The following GABRB1 variants were observed in gnomAD, a reference collection of about 807,000 sequenced individuals.
GABRB1 encodes gamma-aminobutyric acid receptor subunit beta-1.
GABRB1 carries 17 observed loss-of-function variants against 51.6 expected under a neutral mutation model. The ratio of observed to expected loss-of-function variants is 0.33; its 90% confidence interval spans 0.23 to 0.49. The LOEUF (loss-of-function observed/expected upper bound fraction) is 0.49. GABRB1 is among the 20% of genes least tolerant of loss of function. GABRB1 has a pLI of 0.99. For synonymous variants in GABRB1, 247 were observed against 218.9 expected (o/e 1.13, Z -1.14); for missense variants, 410 against 600.6 (o/e 0.68, Z 3.32).
At chr4:47,156,524 G>A (rs1296826321) in intron 3 of GABRB1, among the ~76,000 whole-genome samples, 2 of 151,944 alleles carry the variant, frequency 1.3e-5, no homozygotes, top group Non-Finnish European at 2.9e-5. Flanking sequence ...ACTGCTAAAT[G>A]TACCTAACAT....
intron 4 of GABRB1, among the ~76,000 whole-genome samples, chr4:47,183,273 T>C (rs1202157345): frequency 1.3e-5 from 2 of 149,590 alleles, no homozygotes; most frequent in African/African-American, 2.4e-5. Flanking sequence ...ATAGATAAGA[T>C]GATATATTAT....
At chr4:47,331,110 G>T (rs1725464928) in intron 5 of GABRB1, among the ~76,000 whole-genome samples, 1 of 151,936 alleles carries the variant, frequency 6.6e-6, no homozygotes, top group African/African-American at 2.4e-5. Context: ...TATCTCCTTA[G>T]ATAAATCTGA....
At chr4:47,001,089 A>T (rs1724163435) in intron 1 of GABRB1, among the ~76,000 whole-genome samples, 1 of 152,214 alleles carries the variant, frequency 6.6e-6, no homozygotes, top group African/African-American at 2.4e-5. Context: ...TGCCTGGATC[A>T]CAGTACCCAG....
intron 4 of GABRB1, among the ~76,000 whole-genome samples, chr4:47,244,992 A>T (rs904010677): frequency 5.3e-5 from 8 of 152,168 alleles, no homozygotes; most frequent in Non-Finnish European, 4.4e-5. Context: ...AATAACTAAG[A>T]TCAGAGCAGA....
intron 5 of GABRB1, among the ~76,000 whole-genome samples, chr4:47,343,370 C>T (rs1436379093): frequency 6.6e-6 from 1 of 152,124 alleles, no homozygotes; most frequent in Non-Finnish European, 1.5e-5. Context: ...CAAAATGCAG[C>T]AACAATGGAC....
intron 5 of GABRB1, among the ~76,000 whole-genome samples, chr4:47,345,465 G>A (rs1248782198): frequency 6.6e-6 from 1 of 152,188 alleles, no homozygotes; most frequent in Non-Finnish European, 1.5e-5. Flanking sequence ...TAAAGGATGA[G>A]TACAGAGTTA....
At chr4:47,209,101 C>G (rs566667658) in intron 4 of GABRB1, among the ~76,000 whole-genome samples, 1 of 152,038 alleles carries the variant, frequency 6.6e-6, no homozygotes, top group South Asian at 2.1e-4. Context: ...CCACATAGTA[C>G]CAAAAGCTTA....
At chr4:47,373,215 A>G (rs1428779589) in intron 5 of GABRB1, among the ~76,000 whole-genome samples, 1 of 152,116 alleles carries the variant, frequency 6.6e-6, no homozygotes, top group Non-Finnish European at 1.5e-5. Context: ...TATTTTCTCT[A>G]TTGTCTTTAT....
chr4:47,267,561 G>A lies in GABRB1; in HGVS notation c.462-52566G>A, dbSNP rs568057778. ...TGTAATCTCAGCACCTTGTGAGGCC[G>A]AGGCAGGCGGATCACCTGCGGTCAG... On this transcript the variant is annotated intron_variant, in intron 4 of 8. Transcript: ENST00000295454. 1.8e-4 allele frequency among the ~76,000 whole-genome samples: 28 copies of A among 152,138 alleles called. No individual in the cohort carries two copies. The East Asian group carries it at 1.9e-3, about 10-fold the overall frequency.
At chr4:47,045,459 TCATCATCATC>T (rs1726040175) in intron 3 of GABRB1, among the ~76,000 whole-genome samples, 2 of 151,626 alleles carry the variant, frequency 1.3e-5, no homozygotes, top group African/African-American at 2.4e-5. Flanking sequence ...ATCATCATCA[TCATCATCATC>T]ATCATCATCA....
chr4:47,360,928 G>A (rs541799365), intron 5 of GABRB1, among the ~76,000 whole-genome samples: 5 of 152,034 alleles, frequency 3.3e-5, no homozygotes, highest in Non-Finnish European at 7.4e-5. Flanking sequence ...CCTTATGCAT[G>A]TTAATTTATT....
At chr4:47,109,899 G>T (rs1296836243) in intron 3 of GABRB1, among the ~76,000 whole-genome samples, 1 of 151,938 alleles carries the variant, frequency 6.6e-6, no homozygotes, top group Non-Finnish European at 1.5e-5. Context: ...ATTGTGTAAG[G>T]CCTTGTGAGT....
At chr4:47,032,127 G>GACAC (rs375911533) in intron 2 of GABRB1, 122 bp downstream of exon 2, 147,160 of 558,048 alleles carry the variant, frequency 0.26, 10,488 homozygotes, top group African/African-American at 0.38. Flanking sequence ...CTATACCCTG[G>GACAC]GCACACACAC....
intron 5 of GABRB1, 62 bp from the exon 6 acceptor site, chr4:47,403,256 C>T: frequency 1.9e-6 from 3 of 1,584,468 alleles, no homozygotes; most frequent in Non-Finnish European, 2.6e-6. Context: ...CTCTAGCTCC[C>T]AGATGGTATT....
intron 3 of GABRB1, among the ~76,000 whole-genome samples, chr4:47,093,696 G>T (rs3775536): frequency 0.11 from 17,140 of 152,116 alleles, 1,269 homozygotes; most frequent in African/African-American, 0.21. Context: ...AGGAAGTTTG[G>T]GAGAAAAGTA....
At chr4:47,300,408 C>T (rs867005429) in intron 4 of GABRB1, among the ~76,000 whole-genome samples, 2 of 151,994 alleles carry the variant, frequency 1.3e-5, no homozygotes, top group African/African-American at 2.4e-5. Flanking sequence ...AACGTAATTA[C>T]TATTGACATA....
chr4:47,296,594 C>T (rs1724004079), intron 4 of GABRB1, among the ~76,000 whole-genome samples: 1 of 152,156 alleles, frequency 6.6e-6, no homozygotes, highest in African/African-American at 2.4e-5. Flanking sequence ...TTCAGGAGCA[C>T]CCAGATTCAT....
At chr4:47,351,136 C>A (rs1381425799) in intron 5 of GABRB1, among the ~76,000 whole-genome samples, 2 of 152,176 alleles carry the variant, frequency 1.3e-5, no homozygotes, top group Non-Finnish European at 2.9e-5. Context: ...TACCACAAGG[C>A]TACCAGATTA....
intron 4 of GABRB1, among the ~76,000 whole-genome samples, chr4:47,296,435 C>T (rs562395047): frequency 8.6e-5 from 13 of 151,812 alleles, no homozygotes; most frequent in South Asian, 4.2e-4. Context: ...AAATGGAAAA[C>T]GAAAAAAGGC....
Sources: allele counts gnomAD v4.1 joint callset (sites outside exome capture counted in the v4.1 genomes callset), GRCh38; gene constraint gnomAD v4.1.1; transcripts MANE v1.5; gene names NCBI Gene and HGNC (gene_info 2026-07-23, HGNC 2026-07-21).